Variants in PODXL2 observed in about 807,000 individuals in gnomAD.
PODXL2 encodes the protein podocalyxin-like protein 2.
A neutral mutation model predicts 53.4 loss-of-function variants in PODXL2; 17 were observed. That is an observed-to-expected ratio of 0.32 (90% CI 0.22 to 0.48). PODXL2 has a LOEUF of 0.48. Ranked by LOEUF, PODXL2 falls within the 20% of genes least tolerant of loss-of-function variation. PODXL2 has a pLI of 0.99. For synonymous variants in PODXL2, 311 were observed against 306.7 expected (o/e 1.01, Z -0.15); for missense variants, 673 against 760.0 (o/e 0.89, Z 1.35).
At chr3:127,648,607 C>T (rs2074669771) in intron 2 of PODXL2, among the ~76,000 whole-genome samples, 1 of 151,348 alleles carries the variant, frequency 6.6e-6, no homozygotes, top group African/African-American at 2.4e-5. Context: ...ACGTTTTGGA[C>T]TATCTCTTTC....
chr3:127,662,712 C>T (rs1466998913), intron 4 of PODXL2, among the ~76,000 whole-genome samples: 2 of 152,130 alleles, frequency 1.3e-5, no homozygotes, highest in Non-Finnish European at 2.9e-5. Flanking sequence ...GTTCATAGCT[C>T]TCTCTATCGA....
intron 2 of PODXL2, among the ~76,000 whole-genome samples, chr3:127,649,361 A>G (rs946222621): frequency 6.6e-6 from 1 of 152,220 alleles, no homozygotes; most frequent in Non-Finnish European, 1.5e-5. Context: ...ATGGGGATCT[A>G]TAAAGCCACA....
intron 4 of PODXL2, among the ~76,000 whole-genome samples, chr3:127,668,101 C>CGTGTGT (rs55716588): frequency 0.014 from 2,094 of 145,830 alleles, 29 homozygotes; most frequent in Admixed American, 0.026. Flanking sequence ...TACATGGCTG[C>CGTGTGT]GTGTGTGTGT....
At chr3:127,650,370 C>T (rs1420880350) in intron 2 of PODXL2, among the ~76,000 whole-genome samples, 5 of 152,058 alleles carry the variant, frequency 3.3e-5, no homozygotes, top group Non-Finnish European at 5.9e-5. Context: ...TAAAAGAAAG[C>T]GGAGAAATAA....
Position 127,629,224 on chromosome 3 carries a change from G to T in PODXL2, c.5G>T (p.Gly2Val). The stretch of plus-strand genomic sequence containing the variant: ...GCAGGCGGCGACGGCTACACCATGG[G>T]CCGGCTGCTGCGGGCCGCCCGGCTG... MGRLLRAARLPP... is the reference protein window; with the variant it reads MVRLLRAARLPP... Residue 2 changes from glycine (G) to valine (V), a missense_variant, in exon 1 of 8, where the codon GGC becomes GTC. Physicochemically the swap from Gly to Val is moderately radical, Grantham distance 109. Coordinates refer to ENST00000342480, the MANE Select transcript of PODXL2 (RefSeq NM_015720.4). This position sits in a 1 kb window ranked among gnomAD's most constrained non-coding sequence, Gnocchi z 6.4. 1.0e-6 allele frequency: 1 copy of T among 995,150 alleles called. No homozygotes were observed. The allele number at this position is 995,150 out of a possible 1,614,324, so 61.6% of individuals were successfully genotyped here.
intron 1 of PODXL2, among the ~76,000 whole-genome samples, chr3:127,631,783 C>T (rs1174015538): frequency 6.6e-6 from 1 of 152,068 alleles, no homozygotes; most frequent in African/African-American, 2.4e-5. Flanking sequence ...ATACCCATTG[C>T]CAAGGCCTTT....
chr3:127,661,884 G>A (rs748674535), intron 3 of PODXL2, among the ~76,000 whole-genome samples: 5 of 151,906 alleles, frequency 3.3e-5, no homozygotes, highest in Non-Finnish European at 7.4e-5. Context: ...CACTGACACC[G>A]CAAGGAAAAG....
At chr3:127,669,584 G>A (rs2074817501) in intron 6 of PODXL2, among the ~76,000 whole-genome samples, 1 of 152,176 alleles carries the variant, frequency 6.6e-6, no homozygotes, top group Admixed American at 6.5e-5. Flanking sequence ...GGAGGGGCGA[G>A]CATGATGGGT....
At chr3:127,639,800 A>G (rs960429903) in intron 2 of PODXL2, among the ~76,000 whole-genome samples, 2 of 152,220 alleles carry the variant, frequency 1.3e-5, no homozygotes, top group Non-Finnish European at 2.9e-5. Context: ...AGAGATAAGT[A>G]ATATGACCCC....
intron 7 of PODXL2, 77 bp from the exon 8 acceptor site, chr3:127,672,191 T>C (rs2107548120): frequency 4.8e-6 from 6 of 1,247,062 alleles, no homozygotes; most frequent in South Asian, 2.6e-5. Flanking sequence ...CTGGGTGGGG[T>C]TGCACAGACG....
intron 2 of PODXL2, among the ~76,000 whole-genome samples, chr3:127,657,494 G>C (rs1559876907): frequency 6.6e-6 from 1 of 152,142 alleles, no homozygotes; most frequent in Non-Finnish European, 1.5e-5. Context: ...TCACGCATCT[G>C]ATTACTTCTC....
At position 127,658,037 on chromosome 3, in the gene PODXL2, G is replaced by A. The variant is rs552324163; in HGVS notation, c.350-2341G>A. ...TTCATCAGGCTGGCTTTCTTAAAAT[G>A]TCTTGTGAATCTTGGTTGTTCTTTC... is the stretch of plus-strand genomic sequence containing the variant. On this transcript the variant is annotated intron_variant, in intron 2 of 7. Coordinates refer to ENST00000342480, the MANE Select transcript of PODXL2 (RefSeq NM_015720.4). Among the ~76,000 whole-genome samples the A allele has an allele frequency of 2.0e-5, 3 of 152,316 alleles. No homozygotes were observed. In the East Asian group the frequency reaches 5.8e-4, roughly 29 times the overall value.
intron 1 of PODXL2, among the ~76,000 whole-genome samples, chr3:127,632,425 A>G (rs1297503352): frequency 6.6e-6 from 1 of 152,224 alleles, no homozygotes; most frequent in East Asian, 1.9e-4. Flanking sequence ...ACACTTTTCT[A>G]ACAAGGCTGA....
chr3:127,652,215 T>C (rs1460550407), intron 2 of PODXL2, among the ~76,000 whole-genome samples: 1 of 152,200 alleles, frequency 6.6e-6, no homozygotes, highest in African/African-American at 2.4e-5. Flanking sequence ...GGCTCCCTCA[T>C]GTGGAAAAGG....
chr3:127,638,089 C>G (rs1288826629), intron 1 of PODXL2, among the ~76,000 whole-genome samples: 1 of 152,174 alleles, frequency 6.6e-6, no homozygotes, highest in Non-Finnish European at 1.5e-5. Flanking sequence ...GAGGTCATTT[C>G]ATTTAGCTTC....
chr3:127,643,125 A>T (rs1204100570), intron 2 of PODXL2, among the ~76,000 whole-genome samples: 2 of 152,256 alleles, frequency 1.3e-5, no homozygotes, highest in African/African-American at 4.8e-5. Context: ...TGACATACGT[A>T]GAAAACATTT....
At chr3:127,633,309 C>T (rs1290458481) in intron 1 of PODXL2, among the ~76,000 whole-genome samples, 1 of 152,232 alleles carries the variant, frequency 6.6e-6, no homozygotes, top group East Asian at 1.9e-4. Flanking sequence ...TACCCAGCCC[C>T]ACAAGTAATA....
At chr3:127,655,136 T>G (rs1343371021) in intron 2 of PODXL2, among the ~76,000 whole-genome samples, 1 of 151,906 alleles carries the variant, frequency 6.6e-6, no homozygotes, top group East Asian at 2.0e-4. Flanking sequence ...AGAGACGGGA[T>G]TTCACCATGT....
In PODXL2 at chr3:127,672,796, C is replaced by A. The variant is rs1041510708; in HGVS notation, c.*316C>A. On this transcript the variant is annotated 3_prime_UTR_variant, in exon 8 of 8. Coordinates refer to ENST00000342480, the MANE Select transcript of PODXL2 (RefSeq NM_015720.4). The stretch of plus-strand genomic sequence containing the variant: ...AAACCCGCCCGGAGACCACGCCGGG[C>A]CCAGCGCGTCTGCCTTCTTGACTCA... The A allele has an allele frequency of 1.9e-4, 64 of 338,028 alleles. No homozygotes were observed. The highest frequency in any genetic ancestry group is 2.8e-4 in the Non-Finnish European group (54 of 195,168). The allele number at this position is 338,028 out of a possible 1,614,324, so 20.9% of individuals were successfully genotyped here. A position where few individuals can be genotyped will look rare whatever the true frequency, so the allele number is the denominator to read the frequency against.
Sources: gnomAD v4.1 joint callset for allele counts (sites outside exome capture counted in the v4.1 genomes callset) on GRCh38, gnomAD v4.1.1 for gene constraint, Gnocchi (gnomAD v3.1) non-coding constraint, MANE v1.5 for transcripts, NCBI Gene and HGNC (gene_info 2026-07-23, HGNC 2026-07-21) for gene names.